KANK2: variants seen among roughly 807,000 people sequenced by gnomAD.
KANK2 encodes the protein KN motif and ankyrin repeat domain-containing protein 2.
KANK2 carries 41 observed loss-of-function variants against 74.6 expected under a neutral mutation model. The observed-to-expected ratio is 0.55, with a 90% CI of 0.43 to 0.71. The LOEUF (loss-of-function observed/expected upper bound fraction) is 0.71. Among genes scored for constraint, KANK2 ranks in the 30% least tolerant of loss-of-function variants. The probability of loss-of-function intolerance (pLI) is 0.00; values close to 1 mark genes in which losing one functional copy is unlikely to be tolerated. For missense variants in KANK2, 1,148 were observed against 1,196.4 expected (o/e 0.96, Z 0.60); for synonymous variants, 537 against 519.0 (o/e 1.03, Z -0.47).
intron 8 of KANK2, 97 bp from the exon 9 acceptor site, chr19:11,174,789 C>G: frequency 1.0e-6 from 1 of 964,154 alleles, no homozygotes; most frequent in African/African-American, 1.6e-5. Context: ...GCGTGGTGCC[C>G]TTGTCCTGGA....
rs200552444 is a variant in KANK2 at position 11,171,387 on chromosome 19, C to CA, written c.2212-1140dup. Among the ~76,000 whole-genome samples, 1,402 of 152,106 alleles carry CA rather than the reference C, an allele frequency of 9.2e-3. 23 individuals carry two copies. Among genetic ancestry groups the CA allele is most frequent in the African/African-American group, 0.032 (1,323 of 41,498 alleles). ...GTTTGAGCATGGGAGGTCAAGGCTGCAGTCAGCTGTGATTGCACCACTGCA... is the reference window on the plus strand; with the variant it reads ...GTTTGAGCATGGGAGGTCAAGGCTGCAAGTCAGCTGTGATTGCACCACTGCA... On this transcript the variant is annotated intron_variant, in intron 10 of 12. Coordinates refer to ENST00000586659, the MANE Select transcript of KANK2 (RefSeq NM_001136191.3).
At position 11,178,658 on chromosome 19, in the gene KANK2, T is replaced by G; in HGVS notation, c.1312A>C (p.Thr438Pro). ...CGGCCTGTGCTCTTCTCAGGCTGTG[T>G]AAGGGAGGCTACCTCGGACCCCGGG... ...SPPGSEVASL[T>P]QPEKSTGRVP... The change falls in exon 5 of 13, where the codon ACA (threonine) becomes CCA (proline). Residue 438 changes from threonine (T) to proline (P), a missense_variant. Thr to Pro is a conservative substitution (Grantham distance 38, BLOSUM62 -1). Coordinates refer to ENST00000586659, the MANE Select transcript of KANK2 (RefSeq NM_001136191.3). The G allele has an allele frequency of 6.4e-7, 1 of 1,562,804 alleles. No homozygotes were observed. Among genetic ancestry groups the G allele is most frequent in the Non-Finnish European group, 8.6e-7 (1 of 1,160,922 alleles).
intron 4 of KANK2, among the ~76,000 whole-genome samples, chr19:11,182,363 A>T (rs1414214460): frequency 6.6e-6 from 1 of 151,904 alleles, no homozygotes; most frequent in African/African-American, 2.4e-5. Context: ...GCAAAAAATT[A>T]AAAAGTTAGC....
intron 4 of KANK2, among the ~76,000 whole-genome samples, chr19:11,189,154 T>A (rs1276944455): frequency 1.6e-5 from 2 of 121,642 alleles, no homozygotes; most frequent in Non-Finnish European, 3.2e-5. Flanking sequence ...TACAGTGGCG[T>A]GGTCACAACT....
At chr19:11,194,414 C>G in intron 3 of KANK2, 61 bp downstream of exon 3, 1 of 1,379,774 alleles carries the variant, frequency 7.2e-7, no homozygotes, top group Non-Finnish European at 1.0e-6. Flanking sequence ...GTCCCCAGCC[C>G]CCTCAGGCCT....
chr19:11,169,019 T>C (rs1279111036), intron 12 of KANK2, among the ~76,000 whole-genome samples: 2 of 151,786 alleles, frequency 1.3e-5, no homozygotes, highest in South Asian at 2.1e-4. Flanking sequence ...CTGGGCAACA[T>C]AGTGAGACCC....
chr19:11,173,627 G>A (rs972866082), intron 9 of KANK2, among the ~76,000 whole-genome samples: 2 of 152,146 alleles, frequency 1.3e-5, no homozygotes, highest in South Asian at 2.1e-4. Context: ...AGGTTCACAC[G>A]TTTCCCTAAC....
chr19:11,175,974 A>C lies in KANK2; in HGVS notation c.1776T>G (p.Pro592=), dbSNP rs867652746. 30 of 1,613,532 alleles carry C rather than the reference A, an allele frequency of 1.9e-5. No homozygotes were observed. The Middle Eastern group carries it at 3.1e-3, about 168-fold the overall frequency. The change falls in exon 8 of 13, where the codon CCT becomes CCG. Residue 592 remains proline (P), a synonymous_variant. Transcript: ENST00000586659. ...GGGCCAAGCAGGCTGAGATGAGGTC[A>C]GGGCTTAGCTCCATCCTGCCAGGAA... ...TEEEIRMELS[P]DLISACLALE...
chr19:11,173,048 G>A lies in KANK2; in HGVS notation c.2144C>T (p.Thr715Ile), dbSNP rs1252880222. The A allele has an allele frequency of 6.2e-7, 1 of 1,614,148 alleles. No individual in the cohort carries two copies. The highest frequency in any genetic ancestry group is 1.1e-5 in the South Asian group (1 of 91,080). ...AAGGACAGTCTCGATGTCGTCCTGG[G>A]TCTTCAGGGTGGCCAGGGCGGTGAG... ...IMLTALATLK[T>I]QDDIETVLQL... Residue 715 changes from threonine to isoleucine, a missense_variant, in exon 10 of 13, where the codon ACC becomes ATC. Physicochemically the swap from Thr to Ile is moderately conservative, Grantham distance 89. Transcript: ENST00000586659.
At chr19:11,169,784 G>T in intron 12 of KANK2, 93 bp downstream of exon 12, 2 of 1,077,204 alleles carry the variant, frequency 1.9e-6, no homozygotes, top group South Asian at 1.4e-5. Flanking sequence ...CTGGGCGACA[G>T]AGTGAGACTC....
intron 4 of KANK2, among the ~76,000 whole-genome samples, chr19:11,188,984 C>CAAA (rs35435362): frequency 1.0e-3 from 116 of 113,968 alleles, no homozygotes; most frequent in African/African-American, 2.9e-3. Context: ...GACTCCATCT[C>CAAA]AAAAAAAAAA....
chr19:11,167,227 G>A (rs1207953270), intron 12 of KANK2, among the ~76,000 whole-genome samples: 6 of 151,804 alleles, frequency 4.0e-5, no homozygotes, highest in Non-Finnish European at 4.4e-5. Context: ...CACCACGCCC[G>A]GCTAATTTTG....
At chr19:11,169,742 A>T (rs563025739) in intron 12 of KANK2, 135 bp downstream of exon 12, 1 of 699,372 alleles carries the variant, frequency 1.4e-6, no homozygotes, top group Admixed American at 2.5e-5. Flanking sequence ...CGGAGGTTGC[A>T]ATGAGCCCAG....
intron 12 of KANK2, among the ~76,000 whole-genome samples, chr19:11,167,734 G>A (rs2078062000): frequency 6.6e-6 from 1 of 151,858 alleles, no homozygotes; most frequent in South Asian, 2.1e-4. Context: ...CACCATGTTG[G>A]CCAGGCTGGT....
chr19:11,180,945 G>T (rs114003399), intron 4 of KANK2, among the ~76,000 whole-genome samples: 99 of 151,926 alleles, frequency 6.5e-4, no homozygotes, highest in African/African-American at 2.3e-3. Flanking sequence ...CAATTAGCCA[G>T]GCATGGTGGT....
chr19:11,196,816 G>C (rs1270308657), intron 1 of KANK2: 1 of 152,306 alleles, frequency 6.6e-6, no homozygotes, highest in Admixed American at 6.5e-5. Context: ...GGACAGGTAG[G>C]GAGCGCAGGG....
At chr19:11,191,435 G>A (rs542831791) in intron 4 of KANK2, among the ~76,000 whole-genome samples, 1 of 152,310 alleles carries the variant, frequency 6.6e-6, no homozygotes, top group East Asian at 1.9e-4. Context: ...CCCCTTTCCT[G>A]GCATGAGGAC....
In KANK2 at chr19:11,189,900, A is replaced by C. The variant is rs2078791995; in HGVS notation, c.1249+2931T>G. Among the ~76,000 whole-genome samples, 3 of 152,220 alleles carry C rather than the reference A, an allele frequency of 2.0e-5. No individual in the cohort carries two copies. In the South Asian group the frequency reaches 6.2e-4, roughly 32 times the overall value. On this transcript the variant is annotated intron_variant, in intron 4 of 12. Coordinates refer to ENST00000586659, the MANE Select transcript of KANK2 (RefSeq NM_001136191.3). The stretch of plus-strand genomic sequence containing the variant: ...GCGGAGCCTCTGGCAGGGGGCCAGA[A>C]CCTCAGGACCTGGTGTTTGGGATAG...
intron 5 of KANK2, 40 bp downstream of exon 5, chr19:11,178,513 C>A (rs1393758632): frequency 1.9e-6 from 3 of 1,603,134 alleles, no homozygotes. Flanking sequence ...CTGGCGCCAT[C>A]CCGGTGCCCC....
Sources: allele counts gnomAD v4.1 joint callset (sites outside exome capture counted in the v4.1 genomes callset), GRCh38; gene constraint gnomAD v4.1.1; transcripts MANE v1.5; gene names NCBI Gene and HGNC (gene_info 2026-07-23, HGNC 2026-07-21).